Variants in UGGT2 observed in about 807,000 individuals in gnomAD.
UGGT2 encodes the protein UDP-glucose glycoprotein glucosyltransferase 2, also known as UDP-glucose:glycoprotein glucosyltransferase 2.
UGGT2 carries 180 observed loss-of-function variants against 192.1 expected under a neutral mutation model. The ratio of observed to expected loss-of-function variants is 0.94; its 90% confidence interval spans 0.83 to 1.06. The LOEUF is 1.06. Ranked by LOEUF, UGGT2 falls within the 50% of genes least tolerant of loss-of-function variation. The pLI is 0.00. For missense variants in UGGT2, 1,849 were observed against 1,795.7 expected, an observed-to-expected ratio of 1.03 and a Z score of -0.54; for synonymous variants, 580 against 591.0, an observed-to-expected ratio of 0.98 and a Z score of 0.27.
At chr13:96,034,432 T>A (rs974534027) in intron 1 of UGGT2, among the ~76,000 whole-genome samples, 1 of 152,330 alleles carries the variant, frequency 6.6e-6, no homozygotes. Flanking sequence ...TCCAGTTGTC[T>A]ACATGCCTCA....
At chr13:96,035,426 G>A (rs918278901) in intron 1 of UGGT2, among the ~76,000 whole-genome samples, 2 of 152,068 alleles carry the variant, frequency 1.3e-5, no homozygotes, top group African/African-American at 4.8e-5. Context: ...ATGAATTAGA[G>A]ACTTAAATGT....
chr13:96,005,494 T>C (rs2051944466), intron 5 of UGGT2, among the ~76,000 whole-genome samples: 1 of 152,142 alleles, frequency 6.6e-6, no homozygotes, highest in Non-Finnish European at 1.5e-5. Flanking sequence ...ACTTCAGACC[T>C]ATCTCCCCTA....
In UGGT2 at chr13:95,884,524, G is replaced by C; in HGVS notation, c.3195C>G (p.Ser1065Arg). Reference sequence around the variant, plus strand: ...AGTGAATATTATCAAGGTCACAGTTGCTGTGCACTGTTTCAACCAACCAGC... The same window carrying C: ...AGTGAATATTATCAAGGTCACAGTTCCTGTGCACTGTTTCAACCAACCAGC... ...PEGWLVETVH[S>R]NCDLDNIHLK... The change falls in exon 27 of 39, where the codon AGC (serine) becomes AGG (arginine). Residue 1065 changes from serine to arginine, a missense_variant. Ser to Arg is a moderately radical substitution (Grantham distance 110). Coordinates refer to ENST00000376747, the MANE Select transcript of UGGT2 (RefSeq NM_020121.4). 2 of 1,613,498 alleles carry C rather than the reference G, an allele frequency of 1.2e-6. 1 individual carries two copies. Among genetic ancestry groups the C allele is most frequent in the South Asian group, 2.2e-5 (2 of 90,942 alleles).
At chr13:95,856,518 AAT>A (rs1317285687) in intron 33 of UGGT2, 178 bp from the exon 34 acceptor site, 1 of 577,208 alleles carries the variant, frequency 1.7e-6, no homozygotes, top group South Asian at 2.5e-5. Context: ...AATGCTAACA[AAT>A]ATGAAATCAC....
chr13:95,989,579 T>C lies in UGGT2; in HGVS notation c.931+394A>G, dbSNP rs368551665. On this transcript the variant is annotated intron_variant, in intron 8 of 38. Transcript: ENST00000376747. ...CCATTAAACATTTATCAATGAAACA[T>C]GCAATAGTCTTAACAGGATCTAAAT... The C allele has an allele frequency of 4.9e-4, 196 of 399,828 alleles. 1 individual carries two copies. The highest frequency in any genetic ancestry group is 6.5e-4 in the Non-Finnish European group (127 of 195,166). 24.8% of individuals were successfully genotyped at this position (399,828 alleles called of 1,614,324 possible).
At chr13:96,019,423 A>C (rs2052448851) in intron 4 of UGGT2, among the ~76,000 whole-genome samples, 1 of 152,170 alleles carries the variant, frequency 6.6e-6, no homozygotes. Context: ...ATTTAATAAC[A>C]AGCAGTAAGT....
intron 29 of UGGT2, among the ~76,000 whole-genome samples, chr13:95,868,017 G>A (rs9556503): frequency 0.37 from 55,845 of 151,840 alleles, 10,633 homozygotes; most frequent in Non-Finnish European, 0.42. Context: ...ACTGTGCTCC[G>A]TAATTATTTT....
At chr13:95,877,124 TGCC>T in intron 29 of UGGT2, 152 bp downstream of exon 29, 3 of 200,488 alleles carry the variant, frequency 1.5e-5, no homozygotes, top group Middle Eastern at 1.5e-3. Context: ...CCTTGTGATC[TGCC>T]TGCCTCGGCC....
intron 12 of UGGT2, among the ~76,000 whole-genome samples, chr13:95,950,539 C>CAAA (rs557375454): frequency 3.6e-5 from 3 of 83,862 alleles, no homozygotes; most frequent in African/African-American, 6.0e-5. Flanking sequence ...CTGGCTCTCA[C>CAAA]AAAAAAAAAA....
chr13:96,025,549 T>C (rs552538275), intron 2 of UGGT2, among the ~76,000 whole-genome samples: 2 of 152,342 alleles, frequency 1.3e-5, no homozygotes, highest in East Asian at 3.9e-4. Flanking sequence ...CAGAGTTTAG[T>C]TCAATAGGTC....
At chr13:95,958,431 G>A (rs984492656) in intron 12 of UGGT2, among the ~76,000 whole-genome samples, 1 of 152,178 alleles carries the variant, frequency 6.6e-6, no homozygotes, top group African/African-American at 2.4e-5. Context: ...GATTACAGGC[G>A]TAAGCCTCCA....
chr13:96,032,930 TG>T (rs1171876701), intron 1 of UGGT2, among the ~76,000 whole-genome samples: 1 of 152,210 alleles, frequency 6.6e-6, no homozygotes, highest in Admixed American at 6.5e-5. Flanking sequence ...AAATCAACAC[TG>T]GGCAAGGCTT....
chr13:95,968,963 T>C (rs1384208455), intron 12 of UGGT2, among the ~76,000 whole-genome samples: 1 of 152,196 alleles, frequency 6.6e-6, no homozygotes, highest in African/African-American at 2.4e-5. Context: ...AATTAAGCTC[T>C]TGGAATGTTC....
intron 6 of UGGT2, among the ~76,000 whole-genome samples, chr13:95,997,405 T>G (rs140388433): frequency 0.033 from 4,992 of 152,120 alleles, 275 homozygotes; most frequent in African/African-American, 0.12. Context: ...CCCAACACTT[T>G]GGGAGGCTGA....
intron 24 of UGGT2, 89 bp from the exon 25 acceptor site, chr13:95,891,053 T>A (rs2047787799): frequency 1.0e-6 from 1 of 955,306 alleles, no homozygotes; most frequent in African/African-American, 1.7e-5. Context: ...TCTTATAAAT[T>A]GTTTTCTTTC....
chr13:95,993,967 A>AG (rs869148884), intron 7 of UGGT2, among the ~76,000 whole-genome samples: 55 of 151,650 alleles, frequency 3.6e-4, no homozygotes, highest in East Asian at 9.7e-4. Flanking sequence ...CAGGAAAAAA[A>AG]GGGGGGGGTA....
intron 1 of UGGT2, among the ~76,000 whole-genome samples, chr13:96,052,811 T>G (rs2139255740): frequency 6.6e-6 from 1 of 152,286 alleles, no homozygotes; most frequent in Non-Finnish European, 1.5e-5. Flanking sequence ...ACTAGGTACT[T>G]TAAGCACTGT....
chr13:95,980,384 A>G (rs762339751), intron 10 of UGGT2, among the ~76,000 whole-genome samples: 15 of 151,964 alleles, frequency 9.9e-5, no homozygotes, highest in Non-Finnish European at 1.5e-4. Flanking sequence ...GTTCTCACTC[A>G]TATGTGGGAG....
At chr13:95,877,549 A>AT (rs1054240672) in intron 28 of UGGT2, 149 bp downstream of exon 28, 11 of 1,076,238 alleles carry the variant, frequency 1.0e-5, no homozygotes, top group Non-Finnish European at 1.0e-5. Flanking sequence ...GATTTTCCCC[A>AT]TTTTTTATTT....
Sources: allele counts gnomAD v4.1 joint callset (sites outside exome capture counted in the v4.1 genomes callset), GRCh38; gene constraint gnomAD v4.1.1; transcripts MANE v1.5; gene names NCBI Gene and HGNC (gene_info 2026-07-23, HGNC 2026-07-21).